The following SLK variants were observed in gnomAD, a reference collection of about 807,000 sequenced individuals.
SLK encodes the protein STE20 like kinase.
A neutral mutation model predicts 147.7 loss-of-function variants in SLK; 67 were observed. The ratio of observed to expected loss-of-function variants is 0.45; its 90% CI spans 0.37 to 0.56. The LOEUF is 0.56. Among genes scored for constraint, SLK ranks in the 20% least tolerant of loss-of-function variants. SLK has a pLI of 0.00. For missense variants in SLK, 1,136 were observed against 1,438.8 expected, an observed-to-expected ratio of 0.79 and a Z score of 3.41; for synonymous variants, 441 against 475.0, an observed-to-expected ratio of 0.93 and a Z score of 0.93.
At chr10:103,987,759 A>C (rs1844037133) in intron 1 of SLK, among the ~76,000 whole-genome samples, 2 of 152,222 alleles carry the variant, frequency 1.3e-5, no homozygotes, top group South Asian at 4.1e-4. Context: ...GAAACCTTTC[A>C]TTTATAATAA....
Position 104,002,610 on chromosome 10 carries a change from C to G in SLK, c.1432C>G (p.Gln478Glu). The G allele has an allele frequency of 1.2e-6, 2 of 1,605,874 alleles. No individual in the cohort carries two copies. ...TGAGGAAGAAAAGGATCAGGAAAAG[C>G]AACAGATGTTTGAAAATAAGCTTAT... ...KSEEEKDQEK[Q>E]QMFENKLIKS... is the part of the protein sequence containing the mutation. The change falls in exon 9 of 19, where the codon CAA (glutamine) becomes GAA (glutamate). Residue 478 changes from glutamine (Q) to glutamate (E), a missense_variant. Transcript: ENST00000369755.
chr10:104,013,957 A>G (rs994738136), intron 13 of SLK, among the ~76,000 whole-genome samples: 10 of 152,222 alleles, frequency 6.6e-5, no homozygotes, highest in African/African-American at 2.4e-4. Flanking sequence ...AAATTGAGGC[A>G]CAGAAGACTG....
chr10:103,998,040 A>C (rs1844198571), intron 4 of SLK, among the ~76,000 whole-genome samples: 1 of 152,204 alleles, frequency 6.6e-6, no homozygotes, highest in African/African-American at 2.4e-5. Flanking sequence ...TTTCTGCAAC[A>C]CAGATATATA....
chr10:103,968,832 T>G (rs1164735960), intron 1 of SLK, among the ~76,000 whole-genome samples: 1 of 152,206 alleles, frequency 6.6e-6, no homozygotes, highest in African/African-American at 2.4e-5. Flanking sequence ...GTATCCACAT[T>G]TCACAGATGA....
At chr10:103,995,423 C>CCT (rs1564655825) in intron 4 of SLK, among the ~76,000 whole-genome samples, 1 of 67,690 alleles carries the variant, frequency 1.5e-5, no homozygotes, top group Non-Finnish European at 2.8e-5. Context: ...TCTTTCTTTT[C>CCT]TTTTTTTTTT....
In SLK at chr10:104,019,799, A is replaced by G. The variant is rs765960515; in HGVS notation, c.3198A>G (p.Gln1066=). The change falls in exon 16 of 19, where the codon CAA becomes CAG. Residue 1066 remains glutamine (Q), a synonymous_variant. Transcript: ENST00000369755. ...LIEELKNRQT[Q]ERARLPKIQR... Reference sequence around the variant, plus strand: ...AGGAATTGAAAAACAGACAGACTCAAGAAAGAGCAAGACTGCCCAAGATTC... The same window carrying G: ...AGGAATTGAAAAACAGACAGACTCAGGAAAGAGCAAGACTGCCCAAGATTC... The G allele has an allele frequency of 6.2e-7, 1 of 1,614,142 alleles. No homozygotes were observed. The highest frequency in any genetic ancestry group is 2.2e-5 in the East Asian group (1 of 44,894).
intron 18 of SLK, 50 bp from the exon 19 acceptor site, chr10:104,025,524 C>G: frequency 1.3e-6 from 2 of 1,559,202 alleles, no homozygotes; most frequent in Non-Finnish European, 1.8e-6. Flanking sequence ...AGCATAAATT[C>G]TATATATAAT....
chr10:103,979,530 A>G (rs997915371), intron 1 of SLK, among the ~76,000 whole-genome samples: 9 of 152,192 alleles, frequency 5.9e-5, no homozygotes, highest in Admixed American at 1.3e-4. Context: ...CTGATTTTGG[A>G]TCTTTAAATT....
chr10:103,972,791 T>G (rs1843811668), intron 1 of SLK, among the ~76,000 whole-genome samples: 1 of 152,254 alleles, frequency 6.6e-6, no homozygotes, highest in African/African-American at 2.4e-5. Context: ...AATTCACCTT[T>G]CACAGATTAC....
chr10:103,990,805 T>G lies in SLK; in HGVS notation c.281T>G (p.Leu94Arg). 4 of 1,534,984 alleles carry G rather than the reference T, an allele frequency of 2.6e-6. No homozygotes were observed. Among genetic ancestry groups the G allele is most frequent in the Non-Finnish European group, 3.5e-6 (4 of 1,148,608 alleles). The change falls in exon 2 of 19, where the codon CTT becomes CGT. Residue 94 changes from leucine to arginine, a missense_variant. This residue lies in a region of SLK where 126 missense variants were observed against 141.3 expected (regional missense o/e 0.89). Coordinates refer to ENST00000369755, the MANE Select transcript of SLK (RefSeq NM_014720.4). ...ASCDHPNIVKLLDAFYYENNL... is the reference protein window; with the variant it reads ...ASCDHPNIVKRLDAFYYENNL... ...TGTGATCACCCAAATATAGTCAAGC[T>G]TCTAGATGCCTTCTATTATGAGAAC...
intron 1 of SLK, among the ~76,000 whole-genome samples, chr10:103,977,125 T>C (rs1407813332): frequency 6.6e-6 from 1 of 152,198 alleles, no homozygotes; most frequent in African/African-American, 2.4e-5. Context: ...TTTTGGTTAT[T>C]TATATTTTCC....
intron 9 of SLK, 135 bp from the exon 10 acceptor site, chr10:104,005,426 A>G: frequency 2.8e-6 from 2 of 712,790 alleles, no homozygotes; most frequent in Non-Finnish European, 2.3e-6. Flanking sequence ...TTATATTTAT[A>G]CTTTCTATGT....
intron 13 of SLK, among the ~76,000 whole-genome samples, chr10:104,011,713 A>G (rs1453693769): frequency 6.6e-6 from 1 of 152,016 alleles, no homozygotes; most frequent in Non-Finnish European, 1.5e-5. Context: ...GGCATGCACC[A>G]CCACGCCCAG....
chr10:104,019,695 T>C, intron 15 of SLK, 39 bp from the exon 16 acceptor site: 11 of 1,484,102 alleles, frequency 7.4e-6, no homozygotes, highest in Non-Finnish European at 1.0e-5. Flanking sequence ...TACTGACTAT[T>C]GTTTCTGCGT....
intron 1 of SLK, 105 bp downstream of exon 1, chr10:103,968,000 T>A: frequency 8.3e-7 from 1 of 1,203,352 alleles, no homozygotes; most frequent in Non-Finnish European, 1.2e-6. Context: ...GTCCTTCTTT[T>A]GACTGTTACG....
At position 103,967,578 on chromosome 10, in the gene SLK, G is replaced by C. The variant is rs1438963450; in HGVS notation, c.-168G>C. The C allele has an allele frequency of 1.4e-4, 28 of 205,990 alleles. No individual in the cohort carries two copies. The highest frequency in any genetic ancestry group is 2.6e-5 in the Non-Finnish European group (3 of 117,510). The allele number at this position is 205,990 out of a possible 1,614,324, so 12.8% of individuals were successfully genotyped here. ...CACCCCCACCGCGGGCCGGAGCCCG[G>C]GTCGCCGCCCCGCCTTCTCCCGGGA... is the stretch of plus-strand genomic sequence containing the variant. On this transcript the variant is annotated 5_prime_UTR_variant, in exon 1 of 19. Transcript: ENST00000369755.
chr10:104,008,460 A>G, intron 12 of SLK, 104 bp downstream of exon 12: 2 of 718,732 alleles, frequency 2.8e-6, no homozygotes, highest in Non-Finnish European at 4.6e-6. Flanking sequence ...TGAGAGTTAA[A>G]TAGCACCTAT....
At chr10:104,015,395 G>A (rs532869096) in intron 13 of SLK, among the ~76,000 whole-genome samples, 1 of 152,334 alleles carries the variant, frequency 6.6e-6, no homozygotes, top group Non-Finnish European at 1.5e-5. Context: ...GCTGCTTTAA[G>A]GAACACTTCT....
chr10:103,991,803 T>C (rs1422971530), intron 2 of SLK, among the ~76,000 whole-genome samples: 1 of 151,952 alleles, frequency 6.6e-6, no homozygotes, highest in Non-Finnish European at 1.5e-5. Context: ...ATTATAGTTA[T>C]TATTAATGTG....
Sources: gnomAD v4.1 joint callset for allele counts (sites outside exome capture counted in the v4.1 genomes callset) on GRCh38, gnomAD v4.1.1 for gene constraint, gnomAD v4.1.1 regional missense constraint, MANE v1.5 for transcripts, NCBI Gene and HGNC (gene_info 2026-07-23, HGNC 2026-07-21) for gene names.